TBC1D4: variants seen among roughly 807,000 people sequenced by gnomAD.
The protein encoded by TBC1D4 is TBC1 domain family member 4, also known as TBC (Tre-2, BUB2, CDC16) domain-containing protein.
In TBC1D4, 121 loss-of-function variants were observed where a neutral mutation model predicts 142.5. The observed-to-expected ratio is 0.85, with a 90% CI of 0.73 to 0.99. TBC1D4 has a LOEUF of 0.99. Ranked by LOEUF, TBC1D4 falls within the 50% of genes least tolerant of loss-of-function variation. The pLI, the probability that TBC1D4 is intolerant of heterozygous loss-of-function variation, is 0.00. For missense variants in TBC1D4, 1,475 were observed against 1,606.6 expected (o/e 0.92, Z 1.40); for synonymous variants, 630 against 628.2 (o/e 1.00, Z -0.04).
rs143875075 is a variant in TBC1D4 at position 75,315,257 on chromosome 13, G to A, written c.2223-2359C>T. ...CAGGAGGCAAAGGTTGCAGTGAGCCGAGATCGCATCCCTGCACTCCTGCCT... is the reference window on the plus strand; with the variant it reads ...CAGGAGGCAAAGGTTGCAGTGAGCCAAGATCGCATCCCTGCACTCCTGCCT... On this transcript the variant is annotated intron_variant, in intron 12 of 20. Transcript: ENST00000377636. 1.8e-3 allele frequency among the ~76,000 whole-genome samples: 270 copies of A among 151,496 alleles called. 2 individuals are homozygous for A. Among genetic ancestry groups the A allele is most frequent in the African/African-American group, 6.2e-3 (257 of 41,312 alleles).
chr13:75,289,085 T>G lies in TBC1D4; in HGVS notation c.3512A>C (p.Gln1171Pro), dbSNP rs765582637. 1.2e-6 allele frequency: 2 copies of G among 1,613,872 alleles called. No individual in the cohort carries two copies. The highest frequency in any genetic ancestry group is 1.7e-6 in the Non-Finnish European group (2 of 1,179,844). ...ATATTCCACCTCATAGGCATGCAAC[T>G]GCTTAGAAATATCCATCTCAAAAAC... is the stretch of plus-strand genomic sequence containing the variant. ...TQVFEMDISK[Q>P]LHAYEVEYHV... Residue 1171 changes from glutamine to proline, a missense_variant, in exon 20 of 21, where the codon CAG becomes CCG. Gln to Pro is a moderately conservative substitution (Grantham distance 76, BLOSUM62 -1). Around this residue, in one of 2 missense-constraint regions of TBC1D4, gnomAD observed 248 missense variants for 338.9 expected, o/e 0.73. Transcript: ENST00000377636.
intron 4 of TBC1D4, among the ~76,000 whole-genome samples, chr13:75,353,942 T>C (rs1049470615): frequency 1.3e-5 from 2 of 152,056 alleles, no homozygotes; most frequent in African/African-American, 4.8e-5. Flanking sequence ...GACCTCTGAG[T>C]TTCAGCTGTA....
intron 1 of TBC1D4, among the ~76,000 whole-genome samples, chr13:75,389,571 TA>T (rs1300605741): frequency 6.6e-6 from 1 of 152,218 alleles, no homozygotes. Context: ...TGTTATTTTT[TA>T]ATGACAAAAT....
At chr13:75,345,192 TCTCAGCTG>T (rs1330598998) in intron 5 of TBC1D4, among the ~76,000 whole-genome samples, 1 of 152,176 alleles carries the variant, frequency 6.6e-6, no homozygotes, top group East Asian at 1.9e-4. Flanking sequence ...GGTCTCAGTG[TCTCAGCTG>T]CTTCATGTGT....
rs1566363500 is a variant in TBC1D4, at chr13:75,309,972, G to A, written c.2563C>T (p.Arg855Ter). The change falls in exon 14 of 21, where the codon CGA (arginine) becomes TGA (stop). Residue 855 changes from arginine to a stop codon, truncating the protein, a stop_gained. Transcript: ENST00000377636. LOFTEE classifies it high-confidence loss of function. ...KAIHQQILLLRMEKENQKLEA... is the reference protein window; with the variant it reads ...KAIHQQILLL ...AGTTTCTGGTTTTCTTTTTCCATTC[G>A]AAGTAACAAGATTTGTTGGTGTATA... 9.3e-6 allele frequency: 15 copies of A among 1,614,024 alleles called. No homozygotes were observed. The highest frequency in any genetic ancestry group is 2.2e-5 in the East Asian group (1 of 44,876).
At chr13:75,410,394 G>A (rs2138395323) in intron 1 of TBC1D4, among the ~76,000 whole-genome samples, 1 of 152,206 alleles carries the variant, frequency 6.6e-6, no homozygotes, top group East Asian at 1.9e-4. Context: ...TCTCCTCAGA[G>A]CTGACCCTTA....
At chr13:75,434,806 G>T (rs1886730603) in intron 1 of TBC1D4, among the ~76,000 whole-genome samples, 1 of 151,782 alleles carries the variant, frequency 6.6e-6, no homozygotes, top group South Asian at 2.1e-4. Context: ...TCTAAAAACT[G>T]TTGCTTTCAT....
At chr13:75,370,073 A>C (rs1041154540) in intron 1 of TBC1D4, among the ~76,000 whole-genome samples, 20 of 152,220 alleles carry the variant, frequency 1.3e-4, no homozygotes, top group Admixed American at 6.5e-5. Flanking sequence ...ATGAGTAGAC[A>C]TCTGAAGTCA....
intron 1 of TBC1D4, among the ~76,000 whole-genome samples, chr13:75,474,932 C>A (rs988893696): frequency 6.6e-6 from 1 of 152,142 alleles, no homozygotes. Flanking sequence ...CCACCACGCC[C>A]GGCCCATAAT....
chr13:75,427,245 G>A (rs1203841957), intron 1 of TBC1D4, among the ~76,000 whole-genome samples: 9 of 152,082 alleles, frequency 5.9e-5, no homozygotes, highest in East Asian at 3.9e-4. Flanking sequence ...CCCTCACCGC[G>A]CCTGACTAAT....
intron 1 of TBC1D4, among the ~76,000 whole-genome samples, chr13:75,392,585 T>TAAGAAAAG (rs1884545271): frequency 6.6e-6 from 1 of 151,828 alleles, no homozygotes; most frequent in African/African-American, 2.4e-5. Context: ...ACTCTTTCCG[T>TAAGAAAAG]TCTTCCTCCC....
chr13:75,301,779 C>T (rs1876587310), intron 16 of TBC1D4, among the ~76,000 whole-genome samples: 1 of 152,158 alleles, frequency 6.6e-6, no homozygotes, highest in South Asian at 2.1e-4. Context: ...TTTCCACCAA[C>T]ATAACCATTT....
At chr13:75,444,240 C>T (rs1211659837) in intron 1 of TBC1D4, among the ~76,000 whole-genome samples, 1 of 152,194 alleles carries the variant, frequency 6.6e-6, no homozygotes, top group Admixed American at 6.5e-5. Context: ...CCTTCCACCT[C>T]AGCCTCCTGT....
At chr13:75,440,763 G>T (rs1231803831) in intron 1 of TBC1D4, among the ~76,000 whole-genome samples, 4 of 150,042 alleles carry the variant, frequency 2.7e-5, no homozygotes, top group Non-Finnish European at 5.9e-5. Flanking sequence ...GTAGAGACAG[G>T]GTCTCATTAT....
chr13:75,314,097 A>G (rs1447715529), intron 12 of TBC1D4, among the ~76,000 whole-genome samples: 1 of 152,196 alleles, frequency 6.6e-6, no homozygotes, highest in Non-Finnish European at 1.5e-5. Flanking sequence ...CCTATCTGCA[A>G]AAAAAGGTCG....
At chr13:75,421,390 A>T (rs1426495853) in intron 1 of TBC1D4, among the ~76,000 whole-genome samples, 1 of 152,190 alleles carries the variant, frequency 6.6e-6, no homozygotes, top group Admixed American at 6.5e-5. Flanking sequence ...AGTTCACAAA[A>T]TCTTTGAAGA....
Position 75,362,640 on chromosome 13 carries a change from T to C in TBC1D4, c.499-33A>G. On this transcript the variant is annotated intron_variant, in intron 1 of 20. Transcript: ENST00000377636. The surrounding 1 kb of genome is among the most constrained non-coding windows in gnomAD (Gnocchi z 4.2). ...AAAAAATTAAAACCCTGATTCTAGT[T>C]GAAAGTTTTGAGACAATTTACATTT... 3 of 1,610,514 alleles carry C rather than the reference T, an allele frequency of 1.9e-6. No homozygotes were observed. Among genetic ancestry groups the C allele is most frequent in the Non-Finnish European group, 2.5e-6 (3 of 1,178,540 alleles).
At chr13:75,398,029 T>C (rs955737253) in intron 1 of TBC1D4, among the ~76,000 whole-genome samples, 35 of 152,110 alleles carry the variant, frequency 2.3e-4, no homozygotes, top group Non-Finnish European at 3.8e-4. Context: ...AGGCCAAGCT[T>C]GCAGCATAGA....
chr13:75,458,429 C>T (rs905715008), intron 1 of TBC1D4, among the ~76,000 whole-genome samples: 5 of 152,092 alleles, frequency 3.3e-5, no homozygotes, highest in Non-Finnish European at 4.4e-5. Flanking sequence ...TATATGGGCT[C>T]GAGGTAGGGA....
Sources: gnomAD v4.1 joint callset for allele counts (sites outside exome capture counted in the v4.1 genomes callset) on GRCh38, gnomAD v4.1.1 for gene constraint, gnomAD v4.1.1 regional missense constraint, Gnocchi (gnomAD v3.1) non-coding constraint, MANE v1.5 for transcripts, NCBI Gene and HGNC (gene_info 2026-07-23, HGNC 2026-07-21) for gene names.